Variants in SPMIP7 observed in about 807,000 individuals in gnomAD.
SPMIP7 encodes the protein sperm microtubule inner protein 7, also known as protein SPMIP7.
chr7:50,125,185 CATATATACACAT>C, the SPMIP7 span, among the ~76,000 whole-genome samples: 32 of 57,442 alleles, frequency 5.6e-4, 1 homozygote, highest in African/African-American at 1.9e-3. Flanking sequence ...TATATATACA[CATATATACACAT>C]ATATATACAC....
the SPMIP7 span, among the ~76,000 whole-genome samples, chr7:50,111,704 A>G: frequency 6.6e-6 from 1 of 152,198 alleles, no homozygotes; most frequent in Non-Finnish European, 1.5e-5. Flanking sequence ...AAACCCTGTC[A>G]AGGATTCTGT....
chr7:50,152,878 G>A, the SPMIP7 span, among the ~76,000 whole-genome samples: 31 of 152,116 alleles, frequency 2.0e-4, no homozygotes, highest in Admixed American at 8.5e-4. Context: ...GTAGAGACAG[G>A]GTTTCCCCAT....
chr7:50,116,348 T>C, the SPMIP7 span, among the ~76,000 whole-genome samples: 127,473 of 152,224 alleles, frequency 0.84, 53,420 homozygotes, highest in East Asian at 0.92. Context: ...CTCCTGAGCT[T>C]AGGCAGTCTG....
At chr7:50,097,407 T>A in the SPMIP7 span, among the ~76,000 whole-genome samples, 4 of 152,162 alleles carry the variant, frequency 2.6e-5, no homozygotes, top group African/African-American at 9.7e-5. Flanking sequence ...AAAGCTAACA[T>A]AGGGCTAAAA....
the SPMIP7 span, among the ~76,000 whole-genome samples, chr7:50,111,303 T>C: frequency 3.3e-5 from 5 of 151,986 alleles, no homozygotes; most frequent in Non-Finnish European, 7.4e-5. Flanking sequence ...GGTTCCTGCT[T>C]CTGCAGTGAA....
At chr7:50,100,333 C>T in the SPMIP7 span, among the ~76,000 whole-genome samples, 3 of 152,232 alleles carry the variant, frequency 2.0e-5, no homozygotes, top group Non-Finnish European at 4.4e-5. Context: ...TCCATATCAG[C>T]TTCAGTGCGT....
At chr7:50,115,321 A>C in the SPMIP7 span, among the ~76,000 whole-genome samples, 15 of 152,196 alleles carry the variant, frequency 9.9e-5, no homozygotes, top group Non-Finnish European at 1.8e-4. Flanking sequence ...ATGAAGCACA[A>C]ACTTATAGGA....
chr7:50,128,398 T>C, the SPMIP7 span, among the ~76,000 whole-genome samples: 1 of 151,958 alleles, frequency 6.6e-6, no homozygotes, highest in Non-Finnish European at 1.5e-5. Context: ...ATGTTTGATA[T>C]ATCAGTGGGG....
chr7:50,146,492 A>G, the SPMIP7 span, among the ~76,000 whole-genome samples: 1 of 152,226 alleles, frequency 6.6e-6, no homozygotes, highest in African/African-American at 2.4e-5. Context: ...CCACCAGATG[A>G]AGAGAATAAT....
the SPMIP7 span, among the ~76,000 whole-genome samples, chr7:50,107,895 G>C: frequency 6.6e-6 from 1 of 152,076 alleles, no homozygotes; most frequent in African/African-American, 2.4e-5. Flanking sequence ...AGGCAAAGCA[G>C]GAAGAACATA....
the SPMIP7 span, among the ~76,000 whole-genome samples, chr7:50,136,923 C>T: frequency 1.3e-5 from 2 of 152,066 alleles, no homozygotes; most frequent in Non-Finnish European, 2.9e-5. Context: ...TGTGTGTATG[C>T]TCCCCAACTT....
the SPMIP7 span, among the ~76,000 whole-genome samples, chr7:50,117,010 T>C: frequency 6.6e-6 from 1 of 152,128 alleles, no homozygotes; most frequent in Non-Finnish European, 1.5e-5. Context: ...ATAAGAGGCG[T>C]TCTCAAGCTT....
the SPMIP7 span, among the ~76,000 whole-genome samples, chr7:50,145,799 C>T: frequency 6.6e-6 from 1 of 150,978 alleles, no homozygotes; most frequent in Non-Finnish European, 1.5e-5. Flanking sequence ...CCTTCTGAAC[C>T]CAAACCCAGC....
chr7:50,154,043 C>T, the SPMIP7 span, among the ~76,000 whole-genome samples: 1 of 152,134 alleles, frequency 6.6e-6, no homozygotes, highest in Admixed American at 6.5e-5. Context: ...AGGCTGATAA[C>T]TTGCATTTGT....
chr7:50,115,021 T>A, the SPMIP7 span, among the ~76,000 whole-genome samples: 1 of 141,136 alleles, frequency 7.1e-6, no homozygotes, highest in East Asian at 2.0e-4. Flanking sequence ...CAGAGTGAGA[T>A]TCTGTCTCCA....
At chr7:50,096,837 A>G in the SPMIP7 span, among the ~76,000 whole-genome samples, 241 of 152,332 alleles carry the variant, frequency 1.6e-3, no homozygotes, top group African/African-American at 5.7e-3. Context: ...TTATTCTTTA[A>G]GAAAAGAACA....
At chr7:50,101,566 C>T in the SPMIP7 span, among the ~76,000 whole-genome samples, 1 of 152,170 alleles carries the variant, frequency 6.6e-6, no homozygotes, top group African/African-American at 2.4e-5. Flanking sequence ...GAAAGGATAA[C>T]CTCAAACTTA....
the SPMIP7 span, among the ~76,000 whole-genome samples, chr7:50,101,242 G>A: frequency 6.6e-6 from 1 of 152,202 alleles, no homozygotes; most frequent in African/African-American, 2.4e-5. Flanking sequence ...CTTGCACGTT[G>A]GGATTAGTCC....
At chr7:50,125,113 TATAC>T in the SPMIP7 span, among the ~76,000 whole-genome samples, 15 of 29,274 alleles carry the variant, frequency 5.1e-4, 3 homozygotes, top group Middle Eastern at 0.041. Flanking sequence ...TATATATATA[TATAC>T]ACACACACAC....
Sources: gnomAD v4.1 joint callset for allele counts (sites outside exome capture counted in the v4.1 genomes callset) on GRCh38, gnomAD v4.1.1 for gene constraint, MANE v1.5 for transcripts, NCBI Gene and HGNC (gene_info 2026-07-23, HGNC 2026-07-21) for gene names.